The following PTBP1 variants were observed in gnomAD, a reference collection of about 807,000 sequenced individuals.
PTBP1 encodes the protein polypyrimidine tract binding protein 1, also known as polypyrimidine tract-binding protein 1.
A neutral mutation model predicts 59.8 loss-of-function variants in PTBP1; 8 were observed. That is an observed-to-expected ratio of 0.13 (90% CI 0.08 to 0.24). The LOEUF is 0.24. Ranked by LOEUF, PTBP1 falls within the 10% of genes least tolerant of loss-of-function variation. The pLI, the probability that PTBP1 is intolerant of heterozygous loss-of-function variation, is 1.00. For missense variants in PTBP1, 686 were observed against 767.0 expected (o/e 0.89, Z 1.25); for synonymous variants, 490 against 320.7 (o/e 1.53, Z -5.64).
In PTBP1 at chr19:806,466, G is replaced by GGCGGCAGCT. The variant is rs758093363; in HGVS notation, c.1035_1043dup (p.Ala347_Ala349dup). ...CCCCCCTGGCCATCCCCTCGGCGGC[G>GGCGGCAGCT]GCGGCAGCTGCGGCGGCAGGTCGGA... On this transcript the variant is annotated inframe_insertion, in exon 10 of 15. Transcript: ENST00000356948. 4 of 1,595,610 alleles carry GGCGGCAGCT rather than the reference G, an allele frequency of 2.5e-6. No homozygotes were observed. Among genetic ancestry groups the GGCGGCAGCT allele is most frequent in the South Asian group, 1.1e-5 (1 of 90,114 alleles).
chr19:808,830 C>T lies in PTBP1; in HGVS notation c.1463+68C>T. 1.5e-5 allele frequency: 22 copies of T among 1,449,136 alleles called. No individual in the cohort carries two copies. The highest frequency in any genetic ancestry group is 2.5e-5 in the East Asian group (1 of 40,692). The allele number at this position is 1,449,136 out of a possible 1,614,324, so 89.8% of individuals were successfully genotyped here. ...AGGGCTCTGCTTGGCTGTCCTACCG[C>T]GTCGGTGTGTGGACTTCTGGCGTTT... On this transcript the variant is annotated intron_variant, in intron 13 of 14. Coordinates refer to ENST00000356948, the MANE Select transcript of PTBP1 (RefSeq NM_002819.5). The surrounding 1 kb of genome is among the most constrained non-coding windows in gnomAD (Gnocchi z 4.7).
In PTBP1 at chr19:806,458, T is replaced by TCGGCGG. The variant is rs571277518; in HGVS notation, c.1029_1034dup (p.Ala348_Ala349dup). Reference sequence around the variant, plus strand: ...CGCCCTGGCCCCCCTGGCCATCCCCTCGGCGGCGGCGGCAGCTGCGGCGGC... The same window carrying TCGGCGG: ...CGCCCTGGCCCCCCTGGCCATCCCCTCGGCGGCGGCGGCGGCGGCAGCTGCGGCGGC... On this transcript the variant is annotated inframe_insertion, in exon 10 of 15. Coordinates refer to ENST00000356948, the MANE Select transcript of PTBP1 (RefSeq NM_002819.5). 11 of 1,598,070 alleles carry TCGGCGG rather than the reference T, an allele frequency of 6.9e-6. No homozygotes were observed. Among genetic ancestry groups the TCGGCGG allele is most frequent in the Admixed American group, 1.7e-5 (1 of 58,374 alleles).
At chr19:798,736 T>C (rs1260600357) in intron 1 of PTBP1, among the ~76,000 whole-genome samples, 2 of 152,204 alleles carry the variant, frequency 1.3e-5, no homozygotes, top group African/African-American at 4.8e-5. Context: ...AGCTCACTGT[T>C]GGGTCAGGAC....
chr19:807,165 C>G (rs988361161), intron 10 of PTBP1: 1 of 152,442 alleles, frequency 6.6e-6, no homozygotes, highest in South Asian at 2.1e-4. Flanking sequence ...CTGCCTGTGC[C>G]TCTTACCACG....
chr19:807,127 T>G (rs72982146), intron 10 of PTBP1: 8,196 of 152,398 alleles, frequency 0.054, 278 homozygotes, highest in Middle Eastern at 0.13. Flanking sequence ...AGCCTGGCCC[T>G]CCCTCGCGGG....
intron 2 of PTBP1, among the ~76,000 whole-genome samples, chr19:801,871 G>T (rs1157570415): frequency 6.6e-6 from 1 of 152,170 alleles, no homozygotes; most frequent in Non-Finnish European, 1.5e-5. Context: ...GCTCATAGGG[G>T]GCCCCAGACT....
At chr19:798,019 G>A (rs1018204308) in intron 1 of PTBP1, among the ~76,000 whole-genome samples, 15 of 150,930 alleles carry the variant, frequency 9.9e-5, no homozygotes, top group Admixed American at 2.0e-4. Flanking sequence ...AGCGCAGGCG[G>A]GGCTGGGGCG....
intron 9 of PTBP1, 129 bp from the exon 10 acceptor site, chr19:806,279 A>G (rs2034569374): frequency 9.2e-7 from 1 of 1,082,080 alleles, no homozygotes; most frequent in South Asian, 1.9e-5. Context: ...CACCCAGGGT[A>G]GGGCCAGAGC....
rs1180809343 is a variant in PTBP1 at position 805,519 on chromosome 19, C to T, written c.920C>T (p.Pro307Leu). The change falls in exon 9 of 15, where the codon CCG (proline) becomes CTG (leucine). Residue 307 changes from proline to leucine, a missense_variant. By Grantham distance (98) the Pro-to-Leu change is moderately conservative. Transcript: ENST00000356948. ...GCACCTGGTATAATCTCAGCCTCTC[C>T]GTATGCAGGAGCTGGTTTCCCTCCC... ...FGAPGIISASPYAGAGFPPTF... is the reference protein window; with the variant it reads ...FGAPGIISASLYAGAGFPPTF... The T allele has an allele frequency of 3.1e-6, 5 of 1,613,790 alleles. No individual in the cohort carries two copies. The highest frequency in any genetic ancestry group is 2.2e-5 in the East Asian group (1 of 44,878).
chr19:803,982 C>A, intron 3 of PTBP1, 54 bp from the exon 4 acceptor site: 2 of 1,604,962 alleles, frequency 1.2e-6, no homozygotes, highest in Non-Finnish European at 1.7e-6. Context: ...CAGGGACCTT[C>A]CTCTGTGGGC....
rs541941801 is a variant in PTBP1 at position 799,232 on chromosome 19, T to G, written c.9-181T>G. 3 of 718,752 alleles carry G rather than the reference T, an allele frequency of 4.2e-6. No homozygotes were observed. In the African/African-American group the frequency reaches 5.2e-5, roughly 13 times the overall value. The allele number at this position is 718,752 out of a possible 1,614,324, so 44.5% of individuals were successfully genotyped here. On this transcript the variant is annotated intron_variant, in intron 1 of 14. Coordinates refer to ENST00000356948, the MANE Select transcript of PTBP1 (RefSeq NM_002819.5). ...GGCCCCTTTTCAAGTTGCAGTCAAGTGGACGGCTCACTTCCCTGCCCTTCT... is the reference window on the plus strand; with the variant it reads ...GGCCCCTTTTCAAGTTGCAGTCAAGGGGACGGCTCACTTCCCTGCCCTTCT...
rs370342140 is a variant in PTBP1, at chr19:797,453, T to C, written c.-45T>C. On this transcript the variant is annotated 5_prime_UTR_variant, in exon 1 of 15. Coordinates refer to ENST00000356948, the MANE Select transcript of PTBP1 (RefSeq NM_002819.5). ...GGAGCCGTTGGGTCGGTTCCTGCTA[T>C]TCCGGCGCCTCCACTCCGTCCCCCG... 2 of 1,598,782 alleles carry C rather than the reference T, an allele frequency of 1.3e-6. No homozygotes were observed. The highest frequency in any genetic ancestry group is 2.3e-5 in the East Asian group (1 of 43,916).
chr19:805,785 CCAGAAG>C (rs2034536698), intron 9 of PTBP1: 1 of 575,958 alleles, frequency 1.7e-6, no homozygotes, highest in Admixed American at 3.1e-5. Context: ...ACGGCGCCAG[CCAGAAG>C]CCGCTAATCG....
In PTBP1 at chr19:810,443, C is replaced by T. The variant is rs113580184; in HGVS notation, c.1464-100C>T. ...GGCTCCTAAAAGGCCCTACGCCTTC[C>T]CCGGCTACTCTGAAAACTAGTCTGG... On this transcript the variant is annotated intron_variant, in intron 13 of 14. Coordinates refer to ENST00000356948, the MANE Select transcript of PTBP1 (RefSeq NM_002819.5). The T allele has an allele frequency of 1.7e-5, 17 of 997,906 alleles. No individual in the cohort carries two copies. The African/African-American group carries it at 1.8e-4, about 11-fold the overall frequency. The allele number at this position is 997,906 out of a possible 1,614,324, so 61.8% of individuals were successfully genotyped here.
chr19:806,582 C>T (rs750152809), intron 10 of PTBP1, 26 bp downstream of exon 10: 7 of 1,472,862 alleles, frequency 4.8e-6, no homozygotes, highest in East Asian at 5.4e-5. Flanking sequence ...CTCCGCGCCG[C>T]CGTTCCTCCC....
In PTBP1 at chr19:808,799, C is replaced by A; in HGVS notation, c.1463+37C>A. ...GCCGGGGGGCTCATGGGGCCGGGGG[C>A]GGGCAAGGGCTCTGCTTGGCTGTCC... On this transcript the variant is annotated intron_variant, in intron 13 of 14. Coordinates refer to ENST00000356948, the MANE Select transcript of PTBP1 (RefSeq NM_002819.5). This position sits in a 1 kb window ranked among gnomAD's most constrained non-coding sequence, Gnocchi z 4.7. 1 of 1,568,560 alleles carries A rather than the reference C, an allele frequency of 6.4e-7. No individual in the cohort carries two copies. Among genetic ancestry groups the A allele is most frequent in the African/African-American group, 1.4e-5 (1 of 73,742 alleles).
At chr19:805,828 CA>C in intron 9 of PTBP1, 1 of 515,546 alleles carries the variant, frequency 1.9e-6, no homozygotes. Flanking sequence ...TGGTTCCCTT[CA>C]AGCACCTCCG....
At position 803,592 on chromosome 19, in the gene PTBP1, T is replaced by C; in HGVS notation, c.71T>C (p.Val24Ala). 1 of 1,614,176 alleles carries C rather than the reference T, an allele frequency of 6.2e-7. No individual in the cohort carries two copies. Among genetic ancestry groups the C allele is most frequent in the Non-Finnish European group, 8.5e-7 (1 of 1,180,016 alleles). ...TCTGACGAGCTTTTCTCTACTTGTG[T>C]CACTAACGGACCGTTTATCATGAGC... ...RGSDELFSTC[V>A]TNGPFIMSSN... The change falls in exon 3 of 15, where the codon GTC becomes GCC. Residue 24 changes from valine (V) to alanine (A), a missense_variant. Transcript: ENST00000356948.
chr19:797,711 C>G (rs990985415), intron 1 of PTBP1, among the ~76,000 whole-genome samples: 19 of 148,910 alleles, frequency 1.3e-4, no homozygotes, highest in Non-Finnish European at 2.7e-4. Context: ...CATCCCCCGT[C>G]CGGCCCGCTT....
Sources: allele counts gnomAD v4.1 joint callset (sites outside exome capture counted in the v4.1 genomes callset), GRCh38; gene constraint gnomAD v4.1.1; non-coding constraint Gnocchi (gnomAD v3.1); transcripts MANE v1.5; gene names NCBI Gene and HGNC (gene_info 2026-07-23, HGNC 2026-07-21).